Variants in HHAT observed in about 807,000 individuals in gnomAD.
The protein encoded by HHAT is protein-cysteine N-palmitoyltransferase HHAT.
In HHAT, 47 loss-of-function variants were observed where a neutral mutation model predicts 70.8. That is an observed-to-expected ratio of 0.66 (90% CI 0.53 to 0.85). The LOEUF (loss-of-function observed/expected upper bound fraction) is 0.85. Ranked by LOEUF, HHAT falls within the 40% of genes least tolerant of loss-of-function variation. The probability of loss-of-function intolerance (pLI) is 0.00; values close to 1 mark genes in which losing one functional copy is unlikely to be tolerated. For synonymous variants in HHAT, 228 were observed against 247.6 expected (o/e 0.92, Z 0.74); for missense variants, 609 against 604.8 (o/e 1.01, Z -0.07).
chr1:210,619,923 T>C (rs932644780), intron 10 of HHAT, among the ~76,000 whole-genome samples: 1 of 152,258 alleles, frequency 6.6e-6, no homozygotes, highest in African/African-American at 2.4e-5. Context: ...CAACTCTCTT[T>C]GTCATACCTG....
At chr1:210,610,353 T>G (rs961903987) in intron 10 of HHAT, among the ~76,000 whole-genome samples, 1 of 145,962 alleles carries the variant, frequency 6.9e-6, no homozygotes, top group African/African-American at 2.4e-5. Flanking sequence ...TTCCCTACTT[T>G]TTAATGGGGT....
intron 4 of HHAT, among the ~76,000 whole-genome samples, chr1:210,388,570 A>G (rs568006287): frequency 5.0e-4 from 76 of 152,270 alleles, no homozygotes; most frequent in Non-Finnish European, 1.0e-3. Context: ...TTTGTACTCA[A>G]GTGGCTGCTG....
At chr1:210,451,255 A>G (rs957424197) in intron 7 of HHAT, among the ~76,000 whole-genome samples, 1 of 152,136 alleles carries the variant, frequency 6.6e-6, no homozygotes, top group African/African-American at 2.4e-5. Context: ...GTTTCTTCAC[A>G]ACTAAGTTGT....
At chr1:210,579,201 A>C (rs2148761621) in intron 9 of HHAT, among the ~76,000 whole-genome samples, 1 of 152,282 alleles carries the variant, frequency 6.6e-6, no homozygotes, top group South Asian at 2.1e-4. Context: ...GGCTTAATAC[A>C]TAGGTGATGA....
chr1:210,578,736 T>G (rs750522192), intron 9 of HHAT, among the ~76,000 whole-genome samples: 10 of 152,208 alleles, frequency 6.6e-5, no homozygotes, highest in Non-Finnish European at 1.5e-4. Flanking sequence ...GGACAAATAC[T>G]GTATGATTCC....
chr1:210,397,243 G>A (rs1343158622), intron 4 of HHAT, among the ~76,000 whole-genome samples: 1 of 152,164 alleles, frequency 6.6e-6, no homozygotes, highest in African/African-American at 2.4e-5. Context: ...ACTGGAATCT[G>A]TAAATCAGAA....
chr1:210,523,141 C>T (rs1439565661), intron 9 of HHAT, among the ~76,000 whole-genome samples: 2 of 152,152 alleles, frequency 1.3e-5, no homozygotes, highest in Non-Finnish European at 2.9e-5. Context: ...CTTCCCCTCC[C>T]TCCTCAGAAC....
intron 4 of HHAT, among the ~76,000 whole-genome samples, chr1:210,391,616 CAT>C (rs1216255803): frequency 6.6e-6 from 1 of 152,036 alleles, no homozygotes; most frequent in Non-Finnish European, 1.5e-5. Flanking sequence ...GAAAAGGAAA[CAT>C]AAATGATGAA....
intron 7 of HHAT, among the ~76,000 whole-genome samples, chr1:210,437,565 T>C (rs2093407604): frequency 6.6e-6 from 1 of 151,836 alleles, no homozygotes; most frequent in African/African-American, 2.4e-5. Context: ...ACATTGTTGA[T>C]CCTGTGCAAA....
chr1:210,656,175 C>T (rs1676371605), intron 11 of HHAT, among the ~76,000 whole-genome samples: 1 of 152,202 alleles, frequency 6.6e-6, no homozygotes, highest in Non-Finnish European at 1.5e-5. Flanking sequence ...GTCCATTTCC[C>T]TTTCCAGGTG....
chr1:210,554,198 A>G (rs749193528), intron 9 of HHAT, among the ~76,000 whole-genome samples: 1 of 152,140 alleles, frequency 6.6e-6, no homozygotes, highest in South Asian at 2.1e-4. Flanking sequence ...TTATTGTATA[A>G]TGAAAGTTTT....
chr1:210,651,964 G>A (rs894137331), intron 11 of HHAT, among the ~76,000 whole-genome samples: 2 of 152,216 alleles, frequency 1.3e-5, no homozygotes, highest in African/African-American at 2.4e-5. Flanking sequence ...AAATGGTGTG[G>A]CTGAGGCTAA....
Position 210,329,507 on chromosome 1 carries a change from A to C in HHAT, c.-44+403A>C, listed in dbSNP as rs932459579. 3.0e-6 allele frequency: 3 copies of C among 999,460 alleles called. No individual in the cohort carries two copies. In the African/African-American group the frequency reaches 5.2e-5, roughly 17 times the overall value. The allele number at this position is 999,460 out of a possible 1,614,324, so 61.9% of individuals were successfully genotyped here. ...AAGTTAGAGACTTCCTTTGCGTTCT[A>C]TCTTCAGGACTCAGTTTTCTTCCTC... On this transcript the variant is annotated intron_variant, in intron 1 of 11. Transcript: ENST00000261458.
At chr1:210,445,028 C>T (rs549055541) in intron 7 of HHAT, among the ~76,000 whole-genome samples, 37 of 152,024 alleles carry the variant, frequency 2.4e-4, no homozygotes, top group African/African-American at 7.5e-4. Context: ...TTAGTAGAGA[C>T]GGGGTTTCAC....
chr1:210,548,347 A>G (rs2095501540), intron 9 of HHAT, among the ~76,000 whole-genome samples: 2 of 152,256 alleles, frequency 1.3e-5, no homozygotes, highest in African/African-American at 4.8e-5. Flanking sequence ...TAACTAAAAC[A>G]GTAGCTGCTT....
At chr1:210,400,927 C>A (rs572288548) in intron 5 of HHAT, among the ~76,000 whole-genome samples, 1 of 152,282 alleles carries the variant, frequency 6.6e-6, no homozygotes, top group African/African-American at 2.4e-5. Context: ...TGTGGGGTGC[C>A]AGATGTCACA....
At chr1:210,374,106 T>C (rs745511566) in intron 3 of HHAT, 4 of 150,074 alleles carry the variant, frequency 2.7e-5, no homozygotes, top group Non-Finnish European at 4.5e-5. Flanking sequence ...AAGCCTAAAG[T>C]TGCACCATAA....
intron 10 of HHAT, among the ~76,000 whole-genome samples, chr1:210,611,149 G>C (rs1666492469): frequency 6.6e-6 from 1 of 152,192 alleles, no homozygotes; most frequent in Non-Finnish European, 1.5e-5. Flanking sequence ...CCATGAGCAT[G>C]GAACGTTCTT....
At chr1:210,456,820 G>A (rs896036929) in intron 7 of HHAT, among the ~76,000 whole-genome samples, 1 of 152,176 alleles carries the variant, frequency 6.6e-6, no homozygotes, top group Admixed American at 6.5e-5. Context: ...AGAGATGACT[G>A]AATTCCTTTT....
Sources: allele counts gnomAD v4.1 joint callset (sites outside exome capture counted in the v4.1 genomes callset), GRCh38; gene constraint gnomAD v4.1.1; transcripts MANE v1.5; gene names NCBI Gene and HGNC (gene_info 2026-07-23, HGNC 2026-07-21).